Variants in MACF1 observed in about 807,000 individuals in gnomAD.
The protein encoded by MACF1 is microtubule actin crosslinking factor 1.
Under a neutral mutation model 854.8 loss-of-function variants are expected in MACF1, and 193 were observed. That is an observed-to-expected ratio of 0.23 (90% CI 0.20 to 0.25). The LOEUF is 0.25. MACF1 is among the 10% of genes least tolerant of loss of function. The pLI is 1.00. For synonymous variants in MACF1, 3,185 were observed against 3,226.7 expected (o/e 0.99, Z 0.44); for missense variants, 7,722 against 8,929.1 (o/e 0.86, Z 5.45).
rs752478271 is a variant in MACF1 at position 39,336,493 on chromosome 1, A to G, written c.9905A>G (p.Glu3302Gly). The change falls in exon 37 of 101, where the codon GAA becomes GGA. Residue 3302 changes from glutamate to glycine, a missense_variant. By Grantham distance (98) the Glu-to-Gly change is moderately conservative (BLOSUM62 -2). This residue lies in a region of MACF1 where 854 missense variants were observed against 852.6 expected (regional missense o/e 1.00). Coordinates refer to ENST00000564288, the MANE Select transcript of MACF1 (RefSeq NM_001394062.1). Reference sequence around the variant, plus strand: ...CCTACTGTTCTAGAGACCAGTGAAGAAAAGACAGTGTCCCTAACAGTATGC... The same window carrying G: ...CCTACTGTTCTAGAGACCAGTGAAGGAAAGACAGTGTCCCTAACAGTATGC... The part of the protein sequence containing the change: ...ISPTVLETSE[E>G]KTVSLTVCSA... The G allele has an allele frequency of 1.2e-6, 2 of 1,614,198 alleles. No individual in the cohort carries two copies. Among genetic ancestry groups the G allele is most frequent in the Non-Finnish European group, 8.5e-7 (1 of 1,180,014 alleles).
Position 39,248,836 on chromosome 1 carries a change from C to G in MACF1, c.172-1178C>G, listed in dbSNP as rs141016438. On this transcript the variant is annotated intron_variant, in intron 2 of 100. Transcript: ENST00000564288. ...CTTGATTTCCTGGGCTCAAGTGATC[C>G]TCCCACCTCAGCCTCCTGAGTAGCT... 1.2e-3 allele frequency among the ~76,000 whole-genome samples: 178 copies of G among 152,130 alleles called. 1 individual carries two copies. Among genetic ancestry groups the G allele is most frequent in the African/African-American group, 3.8e-3 (157 of 41,522 alleles).
At chr1:39,292,867 C>T (rs1276436704) in intron 17 of MACF1, 24 bp downstream of exon 17, 4 of 1,579,450 alleles carry the variant, frequency 2.5e-6, no homozygotes, top group South Asian at 1.1e-5. Context: ...GATTCTCTTA[C>T]ATTCTGCTCA....
chr1:39,310,847 T>C lies in MACF1; in HGVS notation c.3117T>C (p.Thr1039=). The change falls in exon 26 of 101, where the codon ACT becomes ACC. Residue 1039 remains threonine, a synonymous_variant. Coordinates refer to ENST00000564288, the MANE Select transcript of MACF1 (RefSeq NM_001394062.1). ...CATTCACAGAGGACAAAGAGGAGACTGTGGCCAAGATGTACATTTCAGAGT... is the reference window on the plus strand; with the variant it reads ...CATTCACAGAGGACAAAGAGGAGACCGTGGCCAAGATGTACATTTCAGAGT... ...KSMENEDKEE[T]VAKMYISELK... 3 of 1,612,456 alleles carry C rather than the reference T, an allele frequency of 1.9e-6. No individual in the cohort carries two copies. In the South Asian group the frequency reaches 3.3e-5, roughly 18 times the overall value.
chr1:39,232,765 T>TTTG (rs1553174864), intron 2 of MACF1, among the ~76,000 whole-genome samples: 6 of 138,180 alleles, frequency 4.3e-5, no homozygotes, highest in Non-Finnish European at 6.2e-5. Context: ...TTTTTTTTTT[T>TTTG]TTTGTTTGTT....
chr1:39,323,465 A>G (rs899221018), intron 33 of MACF1, among the ~76,000 whole-genome samples: 2 of 150,730 alleles, frequency 1.3e-5, no homozygotes, highest in African/African-American at 4.9e-5. Context: ...TTATTATATA[A>G]TATATATTTT....
At chr1:39,096,512 C>T (rs1641940084) in intron 2 of MACF1, among the ~76,000 whole-genome samples, 1 of 151,398 alleles carries the variant, frequency 6.6e-6, no homozygotes, top group South Asian at 2.1e-4. Flanking sequence ...ATCACTTGAA[C>T]CGGGAGGCAG....
At chr1:39,142,116 C>T (rs900726934) in intron 2 of MACF1, among the ~76,000 whole-genome samples, 5 of 152,170 alleles carry the variant, frequency 3.3e-5, no homozygotes, top group Admixed American at 1.3e-4. Flanking sequence ...GCTCTGCTGC[C>T]TTTATCCTCC....
intron 94 of MACF1, chr1:39,464,221 T>G (rs1176930623): frequency 1.3e-5 from 2 of 153,874 alleles, no homozygotes; most frequent in Non-Finnish European, 1.4e-5. Context: ...TGTTTTAGCT[T>G]CTTTTGGGAC....
At position 39,376,828 on chromosome 1, in the gene MACF1, A is replaced by G. The variant is rs1251139201; in HGVS notation, c.13214-1633A>G. Among the ~76,000 whole-genome samples the G allele has an allele frequency of 2.7e-5, 4 of 150,922 alleles. No homozygotes were observed. In the South Asian group the frequency reaches 6.3e-4, roughly 24 times the overall value. On this transcript the variant is annotated intron_variant, in intron 52 of 100. Coordinates refer to ENST00000564288, the MANE Select transcript of MACF1 (RefSeq NM_001394062.1). Reference sequence around the variant, plus strand: ...CCTCCTAGGCCCACGCAATCAGCCCACCTCAAGCTCCTGAGTAGCTAGGAC... The same window carrying G: ...CCTCCTAGGCCCACGCAATCAGCCCGCCTCAAGCTCCTGAGTAGCTAGGAC...
At chr1:39,417,331 C>T (rs897214118) in intron 58 of MACF1, among the ~76,000 whole-genome samples, 8 of 151,182 alleles carry the variant, frequency 5.3e-5, no homozygotes, top group African/African-American at 1.9e-4. Context: ...TTAATCCCAG[C>T]CACTGGTTCA....
intron 94 of MACF1, 40 bp from the exon 95 acceptor site, chr1:39,465,054 TC>T: frequency 1.3e-6 from 2 of 1,582,292 alleles, no homozygotes; most frequent in Non-Finnish European, 8.7e-7. Context: ...TCTTTTTTTT[TC>T]CCCTCCTTTC....
chr1:39,428,712 G>T (rs1643803057), intron 63 of MACF1, among the ~76,000 whole-genome samples: 1 of 152,184 alleles, frequency 6.6e-6, no homozygotes. Context: ...AAATTCCGGG[G>T]ATTCTGTGTC....
chr1:39,432,610 C>T lies in MACF1; in HGVS notation c.17413C>T (p.Arg5805Cys), dbSNP rs769925508. The T allele has an allele frequency of 6.2e-6, 10 of 1,614,046 alleles. No homozygotes were observed. The South Asian group carries it at 7.7e-5, about 12-fold the overall frequency. ...GAAACTGATGGCTCTGGGTCCAATT[C>T]GCCTGGAACAGGACCAGACCACAGC... ...KRKLMALGPI[R>C]LEQDQTTAQL... The change falls in exon 67 of 101, where the codon CGC (arginine) becomes TGC (cysteine). Residue 5805 changes from arginine (R) to cysteine (C), a missense_variant. Physicochemically the swap from Arg to Cys is radical, Grantham distance 180. Transcript: ENST00000564288.
intron 4 of MACF1, among the ~76,000 whole-genome samples, chr1:39,252,241 C>T (rs757653897): frequency 6.6e-6 from 1 of 152,106 alleles, no homozygotes; most frequent in Non-Finnish European, 1.5e-5. Context: ...TTCTGGTGGC[C>T]TTGCTGTGTT....
chr1:39,241,621 C>G (rs1341209328), intron 2 of MACF1, among the ~76,000 whole-genome samples: 1 of 136,086 alleles, frequency 7.3e-6, no homozygotes, highest in African/African-American at 2.9e-5. Context: ...GATCACACCA[C>G]TGCATTCCGG....
Position 39,460,145 on chromosome 1 carries a change from A to G in MACF1, c.21361-487A>G, listed in dbSNP as rs186476512. 1.2e-4 allele frequency among the ~76,000 whole-genome samples: 19 copies of G among 152,324 alleles called. No individual in the cohort carries two copies. The East Asian group carries it at 1.7e-3, about 14-fold the overall frequency. On this transcript the variant is annotated intron_variant, in intron 91 of 100. Coordinates refer to ENST00000564288, the MANE Select transcript of MACF1 (RefSeq NM_001394062.1). This position sits in a 1 kb window ranked among gnomAD's most constrained non-coding sequence, Gnocchi z 4.1. ...GCTTGGATACAACATTGGGTTCCCA[A>G]TGCTTCCATCCAGAACTCAGATTTT...
At chr1:39,389,516 C>T (rs749735395) in intron 58 of MACF1, among the ~76,000 whole-genome samples, 2 of 151,668 alleles carry the variant, frequency 1.3e-5, no homozygotes, top group African/African-American at 2.4e-5. Flanking sequence ...CTCACCACCA[C>T]GCCTGGTTAA....
intron 6 of MACF1, among the ~76,000 whole-genome samples, chr1:39,275,848 A>T (rs7414381): frequency 0.6 from 91,013 of 151,672 alleles, 29,354 homozygotes; most frequent in South Asian, 0.78. Context: ...TTCCTCACCA[A>T]CATAGCTGCC....
Position 39,102,166 on chromosome 1 carries a change from C to G in MACF1, c.220+17728C>G, listed in dbSNP as rs532135296. On this transcript the variant is annotated intron_variant, in intron 2 of 93. Transcript: ENST00000361689. ...CACTCCAGCCTGGGCGACAGCGAGACTCCGTCAAAAAAAAAGAAGAAAAAG... is the reference window on the plus strand; with the variant it reads ...CACTCCAGCCTGGGCGACAGCGAGAGTCCGTCAAAAAAAAAGAAGAAAAAG... Among the ~76,000 whole-genome samples, 6 of 147,136 alleles carry G rather than the reference C, an allele frequency of 4.1e-5. No individual in the cohort carries two copies. The East Asian group carries it at 8.0e-4, about 20-fold the overall frequency.
Sources: allele counts gnomAD v4.1 joint callset (sites outside exome capture counted in the v4.1 genomes callset), GRCh38; gene constraint gnomAD v4.1.1; regional missense constraint gnomAD v4.1.1; non-coding constraint Gnocchi (gnomAD v3.1); transcripts MANE v1.5; gene names NCBI Gene and HGNC (gene_info 2026-07-23, HGNC 2026-07-21).